PLCB1: variants seen among roughly 807,000 people sequenced by gnomAD.
The protein encoded by PLCB1 is phospholipase C beta 1, also known as 1-phosphatidylinositol 4,5-bisphosphate phosphodiesterase beta-1.
A neutral mutation model predicts 161.8 loss-of-function variants in PLCB1; 46 were observed. The observed-to-expected ratio is 0.28, with a 90% CI of 0.22 to 0.36. PLCB1 has a LOEUF of 0.36. Among genes scored for constraint, PLCB1 ranks in the 10% least tolerant of loss-of-function variants. The pLI is 1.00. For missense variants in PLCB1, 1,016 were observed against 1,472.5 expected, an observed-to-expected ratio of 0.69 and a Z score of 5.07; for synonymous variants, 517 against 503.7, an observed-to-expected ratio of 1.03 and a Z score of -0.35.
rs6140783 is a variant in PLCB1, at chr20:8,874,947, A to G, written c.3424-6675A>G. ...TATTGCCCAATGTTTCAAAGTGTCAATTTCTCAGAATGTTATTGCTTCTTT... is the reference window on the plus strand; with the variant it reads ...TATTGCCCAATGTTTCAAAGTGTCAGTTTCTCAGAATGTTATTGCTTCTTT... On this transcript the variant is annotated intron_variant, in intron 31 of 31. Coordinates refer to ENST00000338037, the MANE Select transcript of PLCB1 (RefSeq NM_015192.4). Among the ~76,000 whole-genome samples the G allele has an allele frequency of 3.8e-4, 58 of 151,952 alleles. No homozygotes were observed. In the East Asian group the frequency reaches 9.8e-3, roughly 26 times the overall value.
chr20:8,633,978 T>C (rs1376807405), intron 4 of PLCB1, among the ~76,000 whole-genome samples: 1 of 152,218 alleles, frequency 6.6e-6, no homozygotes, highest in African/African-American at 2.4e-5. Context: ...TCCATTCTCT[T>C]TGCTAAGTAG....
chr20:8,203,990 G>C (rs1331592570), intron 2 of PLCB1, among the ~76,000 whole-genome samples: 2 of 151,916 alleles, frequency 1.3e-5, no homozygotes, highest in African/African-American at 4.8e-5. Context: ...TGCCTTCTGG[G>C]GTCACCTCAG....
chr20:8,159,333 G>C (rs1469301315), intron 2 of PLCB1, among the ~76,000 whole-genome samples: 2 of 152,130 alleles, frequency 1.3e-5, no homozygotes, highest in African/African-American at 4.8e-5. Context: ...CACAGCTAGA[G>C]TGGCAGGGAT....
Position 8,883,921 on chromosome 20 carries a change from CA to C in PLCB1, c.*2076del, listed in dbSNP as rs1178659227. On this transcript the variant is annotated 3_prime_UTR_variant, in exon 32 of 32. Coordinates refer to ENST00000338037, the MANE Select transcript of PLCB1 (RefSeq NM_015192.4). ...AAATCGAATGCTGCATTTTTATAAACAAAATTACAGACTGTCTGAAATTGAA... is the reference window on the plus strand; with the variant it reads ...AAATCGAATGCTGCATTTTTATAAACAAATTACAGACTGTCTGAAATTGAA... 1.3e-5 allele frequency: 2 copies of C among 152,384 alleles called. No individual in the cohort carries two copies. Among genetic ancestry groups the C allele is most frequent in the Non-Finnish European group, 2.9e-5 (2 of 67,950 alleles). The allele number at this position is 152,384 out of a possible 1,614,324, so 9.4% of individuals were successfully genotyped here. A position where few individuals can be genotyped will look rare whatever the true frequency, so the allele number is the denominator to read the frequency against.
At chr20:8,171,771 CTT>C (rs2051735258) in intron 2 of PLCB1, among the ~76,000 whole-genome samples, 1 of 152,042 alleles carries the variant, frequency 6.6e-6, no homozygotes, top group African/African-American at 2.4e-5. Context: ...GACTTTTTGT[CTT>C]TTAAAGAGAG....
chr20:8,603,212 T>C (rs1404146276), intron 3 of PLCB1, among the ~76,000 whole-genome samples: 1 of 152,206 alleles, frequency 6.6e-6, no homozygotes, highest in Admixed American at 6.5e-5. Context: ...TTCTTTTCTT[T>C]TTTCTCATTG....
chr20:8,739,366 G>A lies in PLCB1; in HGVS notation c.2308+6G>A. 4 of 1,577,204 alleles carry A rather than the reference G, an allele frequency of 2.5e-6. No homozygotes were observed. Among genetic ancestry groups the A allele is most frequent in the Non-Finnish European group, 3.5e-6 (4 of 1,146,326 alleles). ...AGTGCAAGCCATTCGGCCAGGTATGGGTAGTGTGCTGAGAAACCTTTTATC... is the reference window on the plus strand; with the variant it reads ...AGTGCAAGCCATTCGGCCAGGTATGAGTAGTGTGCTGAGAAACCTTTTATC... On this transcript the variant is annotated splice_donor_region_variant and intron_variant, in intron 21 of 31. Transcript: ENST00000338037.
At chr20:8,318,447 GC>G (rs56128549) in intron 2 of PLCB1, among the ~76,000 whole-genome samples, 18 of 149,460 alleles carry the variant, frequency 1.2e-4, no homozygotes, top group East Asian at 6.1e-4. Context: ...AATAGAAATT[GC>G]CCCCCCCCTT....
intron 2 of PLCB1, among the ~76,000 whole-genome samples, chr20:8,280,312 G>A (rs1274922029): frequency 6.7e-6 from 1 of 149,748 alleles, no homozygotes; most frequent in African/African-American, 2.5e-5. Flanking sequence ...TCCAACCTGG[G>A]CAACAAGAGC....
At chr20:8,579,042 T>C (rs1419384188) in intron 3 of PLCB1, among the ~76,000 whole-genome samples, 1 of 152,254 alleles carries the variant, frequency 6.6e-6, no homozygotes, top group Non-Finnish European at 1.5e-5. Context: ...CTTTAAGTTA[T>C]ACTTGCTGCT....
intron 2 of PLCB1, among the ~76,000 whole-genome samples, chr20:8,313,791 C>G (rs6055733): frequency 0.056 from 8,593 of 152,158 alleles, 643 homozygotes; most frequent in African/African-American, 0.18. Context: ...ATCTGTTTTT[C>G]TTTTCTATCC....
chr20:8,870,427 T>C (rs1001182220), intron 31 of PLCB1, among the ~76,000 whole-genome samples: 1 of 152,216 alleles, frequency 6.6e-6, no homozygotes, highest in African/African-American at 2.4e-5. Flanking sequence ...TTTTGAAATA[T>C]ATTTCAGGAC....
chr20:8,730,714 T>C (rs899611622), intron 18 of PLCB1, among the ~76,000 whole-genome samples: 5 of 151,802 alleles, frequency 3.3e-5, no homozygotes, highest in African/African-American at 1.2e-4. Flanking sequence ...TTAGTTTTTC[T>C]GTCACAGGAA....
intron 26 of PLCB1, among the ~76,000 whole-genome samples, chr20:8,767,738 A>T (rs1982415639): frequency 6.6e-6 from 1 of 152,146 alleles, no homozygotes; most frequent in African/African-American, 2.4e-5. Context: ...GGCTGTTCCC[A>T]GTTCTGGAAT....
chr20:8,538,897 G>A (rs549553543), intron 3 of PLCB1, among the ~76,000 whole-genome samples: 48 of 151,474 alleles, frequency 3.2e-4, no homozygotes, highest in South Asian at 1.3e-3. Context: ...GGGTTCAAGT[G>A]GTTCTCCTGC....
chr20:8,235,287 C>A (rs1029760658), intron 2 of PLCB1, among the ~76,000 whole-genome samples: 3 of 151,994 alleles, frequency 2.0e-5, no homozygotes, highest in African/African-American at 7.2e-5. Context: ...CAGAATTATT[C>A]TACTGGTAAA....
At chr20:8,594,735 G>A (rs571922046) in intron 3 of PLCB1, among the ~76,000 whole-genome samples, 1 of 150,898 alleles carries the variant, frequency 6.6e-6, no homozygotes, top group South Asian at 2.1e-4. Context: ...TGAACTCAGT[G>A]CTTTAAGTGC....
At chr20:8,182,422 C>G (rs6055605) in intron 2 of PLCB1, among the ~76,000 whole-genome samples, 47,584 of 151,786 alleles carry the variant, frequency 0.31, 9,655 homozygotes, top group African/African-American at 0.58. Flanking sequence ...TTGTGTTTCT[C>G]TTTTATCCTG....
chr20:8,581,180 T>C (rs1347716776), intron 3 of PLCB1, among the ~76,000 whole-genome samples: 3 of 152,302 alleles, frequency 2.0e-5, no homozygotes, highest in Admixed American at 6.5e-5. Flanking sequence ...GGGTAGGAAT[T>C]CTATCCATCT....
Sources: gnomAD v4.1 joint callset for allele counts (sites outside exome capture counted in the v4.1 genomes callset) on GRCh38, gnomAD v4.1.1 for gene constraint, MANE v1.5 for transcripts, NCBI Gene and HGNC (gene_info 2026-07-23, HGNC 2026-07-21) for gene names.